Variants in NPHS1 observed in about 807,000 individuals in gnomAD.
The protein encoded by NPHS1 is NPHS1 adhesion molecule, nephrin.
In NPHS1, 107 loss-of-function variants were observed where a neutral mutation model predicts 139.7. The observed-to-expected ratio is 0.77, with a 90% confidence interval of 0.66 to 0.90. The LOEUF (loss-of-function observed/expected upper bound fraction) is 0.90. Ranked by LOEUF, NPHS1 falls within the 40% of genes least tolerant of loss-of-function variation. The pLI is 0.00. For missense variants in NPHS1, 1,580 were observed against 1,654.2 expected (o/e 0.96, Z 0.78); for synonymous variants, 707 against 706.6 (o/e 1.00, Z -0.01).
Position 35,845,275 on chromosome 19 carries a change from G to A in NPHS1, c.1930+93C>T, listed in dbSNP as rs1973118551. 1.4e-6 allele frequency: 2 copies of A among 1,387,404 alleles called. No individual in the cohort carries two copies. The highest frequency in any genetic ancestry group is 1.2e-5 in the South Asian group (1 of 84,048). The allele number at this position is 1,387,404 out of a possible 1,614,324, so 85.9% of individuals were successfully genotyped here. A position where few individuals can be genotyped will look rare whatever the true frequency, so the allele number is the denominator to read the frequency against. On this transcript the variant is annotated intron_variant, in intron 14 of 28. Transcript: ENST00000378910. This position sits in a 1 kb window ranked among gnomAD's most constrained non-coding sequence, Gnocchi z 5.5. Reference sequence around the variant, plus strand: ...ACAAAAAATGAAAGAGAGAGAGAGAGAGAAGAGAAAAAGAAGGAAAAAAAG... The same window carrying A: ...ACAAAAAATGAAAGAGAGAGAGAGAAAGAAGAGAAAAAGAAGGAAAAAAAG...
rs2146807251 is a variant in NPHS1 at position 35,831,111 on chromosome 19, G to A, written c.3423C>T (p.Ser1141=). Residue 1141 remains serine (S), a synonymous_variant, in exon 27 of 29, where the codon TCC becomes TCT. Transcript: ENST00000378910. ...STTEAEPYYR[S]LRDFSPQLPP... Reference sequence around the variant, plus strand: ...GCAGCTGGGGGCTGAAGTCCCTCAGGGAGCGGTAATACGGCTCTGCCTCTG... The same window carrying A: ...GCAGCTGGGGGCTGAAGTCCCTCAGAGAGCGGTAATACGGCTCTGCCTCTG... The A allele has an allele frequency of 6.2e-7, 1 of 1,614,026 alleles. No homozygotes were observed. Among genetic ancestry groups the A allele is most frequent in the African/African-American group, 1.3e-5 (1 of 75,016 alleles).
At position 35,849,320 on chromosome 19, in the gene NPHS1, C is replaced by T. The variant is rs2146827978; in HGVS notation, c.756G>A (p.Glu252=). The T allele has an allele frequency of 1.2e-6, 2 of 1,613,030 alleles. No individual in the cohort carries two copies. Among genetic ancestry groups the T allele is most frequent in the Middle Eastern group, 1.8e-4 (1 of 5,498 alleles). ...AGCTCTGTCCTGCCCGCACGTGCCC[C>T]TCATCCAGGCCTGGCCACTCGATGA... ...PPVIEWPGLD[E]GHVRAGQSLE... Residue 252 remains glutamate, a synonymous_variant, in exon 7 of 29, where the codon GAG becomes GAA. Coordinates refer to ENST00000378910, the MANE Select transcript of NPHS1 (RefSeq NM_004646.4).
rs756165265 is a variant in NPHS1 at position 35,830,831 on chromosome 19, C to A, written c.3594+13G>T. On this transcript the variant is annotated intron_variant, in intron 28 of 28. Transcript: ENST00000378910. ...TAGCCAGGAAGGATGGTTGCTGATG[C>A]AAAGCTTCTCACCATCTGCACTTCA... The A allele has an allele frequency of 1.4e-5, 21 of 1,521,568 alleles. No individual in the cohort carries two copies. Among genetic ancestry groups the A allele is most frequent in the Admixed American group, 1.3e-4 (8 of 59,900 alleles). The allele number at this position is 1,521,568 out of a possible 1,614,324, so 94.3% of individuals were successfully genotyped here. A position where few individuals can be genotyped will look rare whatever the true frequency, so the allele number is the denominator to read the frequency against.
chr19:35,841,650 A>G (rs1973056757), intron 20 of NPHS1, 65 bp downstream of exon 20: 1 of 1,594,062 alleles, frequency 6.3e-7, no homozygotes, highest in East Asian at 2.2e-5. Flanking sequence ...CCCAGGGCCA[A>G]TCAGGGATGT....
At chr19:35,829,920 C>T (rs1972853270) in intron 28 of NPHS1, among the ~76,000 whole-genome samples, 1 of 152,032 alleles carries the variant, frequency 6.6e-6, no homozygotes, top group South Asian at 2.1e-4. Flanking sequence ...AATCCACCTA[C>T]CTCAGCCTGC....
chr19:35,826,646 C>CT lies in NPHS1; in HGVS notation c.3595-2dup. 6.2e-7 allele frequency: 1 copy of CT among 1,614,064 alleles called. No individual in the cohort carries two copies. The highest frequency in any genetic ancestry group is 8.5e-7 in the Non-Finnish European group (1 of 1,180,006). On this transcript the variant is annotated splice_acceptor_variant, in intron 28 of 28. Transcript: ENST00000378910. LOFTEE classifies it high-confidence loss of function. ...CAGGCCAGTGGAGGTCCCAGGGTCC[C>CT]TGACAGGCAAAAAGTGGAGTTAGAA...
intron 23 of NPHS1, among the ~76,000 whole-genome samples, chr19:35,834,182 T>C (rs1972923150): frequency 6.6e-6 from 1 of 152,126 alleles, no homozygotes; most frequent in South Asian, 2.1e-4. Context: ...CTTTGGCCAA[T>C]GAGACACAAC....
rs200621047 is a variant in NPHS1, at chr19:35,849,101, G to A, written c.887C>T (p.Ala296Val). 6.8e-5 allele frequency: 110 copies of A among 1,609,324 alleles called. No homozygotes were observed. The highest frequency in any genetic ancestry group is 1.7e-4 in the Middle Eastern group (1 of 5,984). The change falls in exon 8 of 29, where the codon GCG (alanine) becomes GTG (valine). Residue 296 changes from alanine (A) to valine (V), a missense_variant. Ala to Val is a moderately conservative substitution (Grantham distance 64). Coordinates refer to ENST00000378910, the MANE Select transcript of NPHS1 (RefSeq NM_004646.4). ...CATCACCAGCACACTGCGGGCCACC[G>A]CCTGGGTGTGCTCTGTGCCCCACGC... is the stretch of plus-strand genomic sequence containing the variant. ...STAWGTEHTQAVARSVLVMTV... is the reference protein window; with the variant it reads ...STAWGTEHTQVVARSVLVMTV...
At position 35,851,540 on chromosome 19, in the gene NPHS1, C is replaced by G. The variant is rs386833897; in HGVS notation, c.191G>C (p.Trp64Ser). 1.9e-6 allele frequency: 3 copies of G among 1,613,750 alleles called. No homozygotes were observed. ...GVSTPGSAVQWAKDGLLLGPD... is the reference protein window; with the variant it reads ...GVSTPGSAVQSAKDGLLLGPD... ...GCCCAGGAGCAGCCCATCTTTGGCC[C>G]ATTGCACCGCACTGCCAGGGGTGCT... The change falls in exon 2 of 29, where the codon TGG (tryptophan) becomes TCG (serine). Residue 64 changes from tryptophan to serine, a missense_variant. By Grantham distance (177) the Trp-to-Ser change is radical. Coordinates refer to ENST00000378910, the MANE Select transcript of NPHS1 (RefSeq NM_004646.4).
Position 35,826,086 on chromosome 19 carries a change from C to G in NPHS1, c.*428G>C, listed in dbSNP as rs1306033930. The G allele has an allele frequency of 9.9e-6, 2 of 201,540 alleles. No individual in the cohort carries two copies. Among genetic ancestry groups the G allele is most frequent in the Non-Finnish European group, 2.1e-5 (2 of 96,098 alleles). 12.5% of individuals were successfully genotyped at this position (201,540 alleles called of 1,614,324 possible). A position where few individuals can be genotyped will look rare whatever the true frequency, so the allele number is the denominator to read the frequency against. On this transcript the variant is annotated 3_prime_UTR_variant, in exon 29 of 29. Coordinates refer to ENST00000378910, the MANE Select transcript of NPHS1 (RefSeq NM_004646.4). The stretch of plus-strand genomic sequence containing the variant: ...TCAGCCTCCCAAGTAGCTGGGACTA[C>G]AGGCATGCGCCACTACTCCTGGCTA...
intron 11 of NPHS1, among the ~76,000 whole-genome samples, chr19:35,846,410 T>C (rs1486846908): frequency 6.6e-6 from 1 of 152,092 alleles, no homozygotes; most frequent in Non-Finnish European, 1.5e-5. Context: ...CCTCCCCGAG[T>C]CCCTGTGCAT....
At chr19:35,830,726 T>C in intron 28 of NPHS1, 118 bp downstream of exon 28, 1 of 782,970 alleles carries the variant, frequency 1.3e-6, no homozygotes, top group East Asian at 2.4e-5. Context: ...TTTAAGCCAC[T>C]GGATCATGGT....
intron 22 of NPHS1, 74 bp downstream of exon 22, chr19:35,839,163 T>C: frequency 7.2e-7 from 1 of 1,397,798 alleles, no homozygotes; most frequent in Non-Finnish European, 1.0e-6. Flanking sequence ...AAAAGGGGAA[T>C]AGTATTGACT....
intron 20 of NPHS1, 80 bp downstream of exon 20, chr19:35,841,635 G>A: frequency 6.5e-7 from 1 of 1,549,510 alleles, no homozygotes. Context: ...CAGAAACATG[G>A]GCAGCCCAGG....
At chr19:35,830,013 T>C (rs1196334979) in intron 28 of NPHS1, among the ~76,000 whole-genome samples, 1 of 152,198 alleles carries the variant, frequency 6.6e-6, no homozygotes, top group Non-Finnish European at 1.5e-5. Flanking sequence ...CTGGGCCTGA[T>C]GACAATTGTA....
chr19:35,829,543 C>CTT (rs60571055), intron 28 of NPHS1, among the ~76,000 whole-genome samples: 5 of 146,526 alleles, frequency 3.4e-5, no homozygotes, highest in African/African-American at 1.3e-4. Flanking sequence ...ATTTTTTAAA[C>CTT]TTTTTTTTTT....
At chr19:35,827,968 T>C (rs779169899) in intron 28 of NPHS1, among the ~76,000 whole-genome samples, 2 of 152,190 alleles carry the variant, frequency 1.3e-5, no homozygotes, top group East Asian at 1.9e-4. Context: ...TAAAAGTCCA[T>C]GTTATCAGGT....
chr19:35,832,214 C>T (rs1261147019), intron 23 of NPHS1, among the ~76,000 whole-genome samples: 2 of 152,134 alleles, frequency 1.3e-5, no homozygotes, highest in Non-Finnish European at 2.9e-5. Context: ...CCTCAAATGT[C>T]CTTTCTTCTC....
chr19:35,826,574 T>G lies in NPHS1; in HGVS notation c.3666A>C (p.Gly1222=). 6.2e-7 allele frequency: 1 copy of G among 1,613,976 alleles called. No individual in the cohort carries two copies. Among genetic ancestry groups the G allele is most frequent in the Non-Finnish European group, 8.5e-7 (1 of 1,179,986 alleles). The part of the protein sequence containing the change: ...DPRGIYDQVA[G]DLDTLEPDSL... ...AATCGGGTTCCAGAGTGTCCAAGTC[T>G]CCGGCCACCTGGTCATAGATTCCTC... The change falls in exon 29 of 29, where the codon GGA becomes GGC. Residue 1222 remains glycine (G), a synonymous_variant. Coordinates refer to ENST00000378910, the MANE Select transcript of NPHS1 (RefSeq NM_004646.4).
Sources: allele counts gnomAD v4.1 joint callset (sites outside exome capture counted in the v4.1 genomes callset), GRCh38; gene constraint gnomAD v4.1.1; non-coding constraint Gnocchi (gnomAD v3.1); transcripts MANE v1.5; gene names NCBI Gene and HGNC (gene_info 2026-07-23, HGNC 2026-07-21).